RAB38: variants seen among roughly 807,000 people sequenced by gnomAD.
RAB38 encodes the protein ras-related protein Rab-38.
Under a neutral mutation model 18.4 loss-of-function variants are expected in RAB38, and 15 were observed. The observed-to-expected ratio is 0.82, with a 90% confidence interval of 0.55 to 1.26. RAB38 has a LOEUF of 1.26. RAB38 is among the 50% of genes most tolerant of loss of function. The pLI, the probability that RAB38 is intolerant of heterozygous loss-of-function variation, is 0.00. For missense variants in RAB38, 294 were observed against 267.4 expected, an observed-to-expected ratio of 1.10 and a Z score of -0.69; for synonymous variants, 101 against 104.4, an observed-to-expected ratio of 0.97 and a Z score of 0.20.
At chr11:87,926,504 G>C in the RAB38 span, among the ~76,000 whole-genome samples, 1 of 139,510 alleles carries the variant, frequency 7.2e-6, no homozygotes, top group African/African-American at 2.8e-5. Context: ...TAAGTCAAAT[G>C]GTGGTTTTTT....
the RAB38 span, among the ~76,000 whole-genome samples, chr11:87,906,993 G>A: frequency 7.3e-5 from 11 of 151,714 alleles, no homozygotes; most frequent in Non-Finnish European, 1.5e-4. Context: ...ATATTTTCAG[G>A]TTTTTGCTTT....
At chr11:88,043,602 A>ACCCCCCCCCCCCCCCCCCCCCC in the RAB38 span, among the ~76,000 whole-genome samples, 2 of 114,324 alleles carry the variant, frequency 1.7e-5, no homozygotes, top group Non-Finnish European at 3.5e-5. Context: ...GCACCTTGTG[A>ACCCCCCCCCCCCCCCCCCCCCC]CCCCCCCACC....
the RAB38 span, among the ~76,000 whole-genome samples, chr11:87,896,393 C>G: frequency 6.6e-6 from 1 of 151,542 alleles, no homozygotes; most frequent in African/African-American, 2.4e-5. Context: ...TCTGGAGGGA[C>G]CATGCTTGCT....
chr11:87,925,056 A>G, the RAB38 span, among the ~76,000 whole-genome samples: 4 of 152,114 alleles, frequency 2.6e-5, no homozygotes, highest in East Asian at 7.8e-4. Flanking sequence ...TGAACCAGGG[A>G]GAGTAAAGAA....
the RAB38 span, among the ~76,000 whole-genome samples, chr11:87,949,852 A>G: frequency 2.0e-5 from 3 of 152,320 alleles, no homozygotes; most frequent in African/African-American, 7.2e-5. Flanking sequence ...GGTGCTGAGA[A>G]GAATGTATAT....
rs559145010 is a variant in RAB38 at position 88,143,238 on chromosome 11, A to C, written c.483+6437T>G. On this transcript the variant is annotated intron_variant, in intron 2 of 2. Coordinates refer to ENST00000243662, the MANE Select transcript of RAB38 (RefSeq NM_022337.3). Reference sequence around the variant, plus strand: ...GTAACAGTACTTACTGTATAAGATTATTTCAAGGATAAGCTAAAATGTATG... The same window carrying C: ...GTAACAGTACTTACTGTATAAGATTCTTTCAAGGATAAGCTAAAATGTATG... 2.6e-5 allele frequency among the ~76,000 whole-genome samples: 4 copies of C among 152,348 alleles called. No individual in the cohort carries two copies. The South Asian group carries it at 8.3e-4, about 32-fold the overall frequency.
At chr11:88,052,350 A>T in the RAB38 span, among the ~76,000 whole-genome samples, 1 of 152,224 alleles carries the variant, frequency 6.6e-6, no homozygotes, top group Non-Finnish European at 1.5e-5. Flanking sequence ...CCAAAAAGTG[A>T]AGAGGAAGAG....
intron 2 of RAB38, among the ~76,000 whole-genome samples, chr11:88,129,973 TGTA>T (rs1156438737): frequency 6.6e-6 from 1 of 151,608 alleles, no homozygotes; most frequent in East Asian, 1.9e-4. Context: ...CCAAGGATAG[TGTA>T]GGAAGTTCTA....
chr11:88,047,248 G>A, the RAB38 span, among the ~76,000 whole-genome samples: 38 of 152,100 alleles, frequency 2.5e-4, no homozygotes, highest in Non-Finnish European at 5.0e-4. Context: ...ACTTCAATCC[G>A]GCCTCCCACA....
chr11:87,889,395 G>A, the RAB38 span, among the ~76,000 whole-genome samples: 4 of 151,872 alleles, frequency 2.6e-5, 1 homozygote, highest in South Asian at 8.3e-4. Flanking sequence ...CATCTTTCAA[G>A]AATCTGCTCA....
At chr11:87,900,713 AGAGAGGTAG>A in the RAB38 span, among the ~76,000 whole-genome samples, 4 of 150,162 alleles carry the variant, frequency 2.7e-5, no homozygotes, top group African/African-American at 2.4e-5. Flanking sequence ...GGAAAAAGGA[AGAGAGGTAG>A]GGAAGAAGGA....
chr11:88,052,944 A>C, the RAB38 span, among the ~76,000 whole-genome samples: 31 of 107,666 alleles, frequency 2.9e-4, no homozygotes, highest in African/African-American at 7.4e-4. Context: ...ATATATATAT[A>C]AATTATATAT....
chr11:88,106,631 C>T, the RAB38 span, among the ~76,000 whole-genome samples: 10 of 151,998 alleles, frequency 6.6e-5, no homozygotes, highest in Non-Finnish European at 1.2e-4. Flanking sequence ...TTCTAAAAGT[C>T]AGTCAAATTG....
At chr11:88,118,008 C>T (rs1942579630) in intron 2 of RAB38, among the ~76,000 whole-genome samples, 1 of 152,140 alleles carries the variant, frequency 6.6e-6, no homozygotes, top group Admixed American at 6.6e-5. Flanking sequence ...CCAAGTCACA[C>T]ACTAGTAATT....
At chr11:87,904,908 A>G in the RAB38 span, among the ~76,000 whole-genome samples, 2 of 151,722 alleles carry the variant, frequency 1.3e-5, no homozygotes, top group Non-Finnish European at 2.9e-5. Flanking sequence ...TTATACGATT[A>G]TATTTTCCAT....
downstream of RAB38, among the ~76,000 whole-genome samples, chr11:88,112,690 C>A (rs1013430996): frequency 6.6e-6 from 1 of 152,024 alleles, no homozygotes; most frequent in Non-Finnish European, 1.5e-5. Flanking sequence ...AGGAGAATCG[C>A]TTGAACCCAG....
intron 1 of RAB38, among the ~76,000 whole-genome samples, chr11:88,171,618 T>C (rs1034605018): frequency 3.9e-5 from 6 of 152,232 alleles, no homozygotes; most frequent in African/African-American, 1.4e-4. Flanking sequence ...CCAGCTATTA[T>C]ACTGGGAAAT....
chr11:88,174,001 G>C (rs752213572), intron 1 of RAB38: 3 of 984,908 alleles, frequency 3.0e-6, no homozygotes, highest in Non-Finnish European at 3.6e-6. Flanking sequence ...TTCTGAAACA[G>C]AAGTGGCTAG....
chr11:88,174,555 G>A (rs1215199843), intron 1 of RAB38, among the ~76,000 whole-genome samples: 3 of 147,536 alleles, frequency 2.0e-5, no homozygotes, highest in East Asian at 4.0e-4. Context: ...AGAAAGAGAG[G>A]GAGAAAGAAT....
Sources: gnomAD v4.1 joint callset for allele counts (sites outside exome capture counted in the v4.1 genomes callset) on GRCh38, gnomAD v4.1.1 for gene constraint, MANE v1.5 for transcripts, NCBI Gene and HGNC (gene_info 2026-07-23, HGNC 2026-07-21) for gene names.